CRB1: variants seen among roughly 807,000 people sequenced by gnomAD.
CRB1 encodes the protein crumbs cell polarity complex component 1.
A neutral mutation model predicts 120.0 loss-of-function variants in CRB1; 83 were observed. The ratio of observed to expected loss-of-function variants is 0.69; its 90% confidence interval spans 0.58 to 0.83. The LOEUF (loss-of-function observed/expected upper bound fraction) is 0.83. Ranked by LOEUF, CRB1 falls within the 40% of genes least tolerant of loss-of-function variation. The pLI is 0.00. For synonymous variants in CRB1, 625 were observed against 612.5 expected (o/e 1.02, Z -0.30); for missense variants, 1,699 against 1,687.6 (o/e 1.01, Z -0.12).
At chr1:197,416,688 CT>C (rs1420872086) in intron 5 of CRB1, among the ~76,000 whole-genome samples, 1 of 151,966 alleles carries the variant, frequency 6.6e-6, no homozygotes, top group African/African-American at 2.4e-5. Context: ...AAGGTTTATA[CT>C]TTTTTATTTT....
At chr1:197,286,818 GTAATT>G (rs1327659067) in intron 1 of CRB1, among the ~76,000 whole-genome samples, 1 of 151,754 alleles carries the variant, frequency 6.6e-6, no homozygotes, top group Non-Finnish European at 1.5e-5. Context: ...GTTTATATCT[GTAATT>G]TAATGCAAAG....
intron 5 of CRB1, among the ~76,000 whole-genome samples, chr1:197,417,543 A>C (rs1664069394): frequency 6.6e-6 from 1 of 152,216 alleles, no homozygotes; most frequent in Non-Finnish European, 1.5e-5. Context: ...AACCAATAGC[A>C]AAGGGGTTGA....
chr1:197,347,113 A>G (rs1471981466), intron 3 of CRB1, among the ~76,000 whole-genome samples: 1 of 152,198 alleles, frequency 6.6e-6, no homozygotes, highest in Non-Finnish European at 1.5e-5. Context: ...ACTGAACTAA[A>G]TAGTCATGGT....
At chr1:197,256,921 T>A in the CRB1 span, among the ~76,000 whole-genome samples, 1 of 139,690 alleles carries the variant, frequency 7.2e-6, no homozygotes, top group Non-Finnish European at 1.5e-5. Context: ...AAACAGAACC[T>A]ATAGGATTTG....
chr1:197,444,355 C>T (rs532894006), intron 11 of CRB1: 1 of 152,268 alleles, frequency 6.6e-6, no homozygotes, highest in East Asian at 1.9e-4. Flanking sequence ...TTCTTCACAT[C>T]CAAGGCTGAA....
intron 5 of CRB1, among the ~76,000 whole-genome samples, chr1:197,419,996 A>AC (rs1664213702): frequency 1.3e-5 from 1 of 78,374 alleles, no homozygotes; most frequent in Admixed American, 1.6e-4. Flanking sequence ...CGAAAAAAAA[A>AC]AAACAAACAA....
At chr1:197,252,578 ATATATGTGTGTGTGTG>A in the CRB1 span, among the ~76,000 whole-genome samples, 79 of 28,666 alleles carry the variant, frequency 2.8e-3, no homozygotes, top group Non-Finnish European at 3.9e-3. Context: ...ATATATATAT[ATATATGTGTGTGTGTG>A]TGTGTGTGTG....
chr1:197,257,621 T>C, the CRB1 span, among the ~76,000 whole-genome samples: 1 of 152,218 alleles, frequency 6.6e-6, no homozygotes, highest in South Asian at 2.1e-4. Flanking sequence ...GTTCTTTCTT[T>C]TATATTTACA....
At position 197,305,903 on chromosome 1, in the gene CRB1, G is replaced by GAA. The variant is rs5779864; in HGVS notation, c.71-22507_71-22506dup. Among the ~76,000 whole-genome samples the GAA allele has an allele frequency of 5.2e-5, 7 of 135,816 alleles. No individual in the cohort carries two copies. In the East Asian group the frequency reaches 6.2e-4, roughly 12 times the overall value. The allele number at this position is 135,816 out of a possible 152,430, so 89.1% of individuals were successfully genotyped here. On this transcript the variant is annotated intron_variant, in intron 1 of 11. Coordinates refer to ENST00000367400, the MANE Select transcript of CRB1 (RefSeq NM_201253.3). Reference sequence around the variant, plus strand: ...GGAAACTGATATTTGAGATCTAATTGAAAAAAAAAAAAACAAAAAGCAAGA... The same window carrying GAA: ...GGAAACTGATATTTGAGATCTAATTGAAAAAAAAAAAAAAACAAAAAGCAAGA...
At chr1:197,469,680 C>T (rs1416784925) in intron 11 of CRB1, among the ~76,000 whole-genome samples, 1 of 151,980 alleles carries the variant, frequency 6.6e-6, no homozygotes, top group Non-Finnish European at 1.5e-5. Context: ...TTTCTGAGAC[C>T]AAAATAGGCC....
At chr1:197,305,408 T>C (rs1018051047) in intron 1 of CRB1, among the ~76,000 whole-genome samples, 1 of 152,128 alleles carries the variant, frequency 6.6e-6, no homozygotes, top group Admixed American at 6.6e-5. Context: ...AGTATACATA[T>C]ATGTTCCAAA....
At chr1:197,207,438 A>T in the CRB1 span, among the ~76,000 whole-genome samples, 1,187 of 152,190 alleles carry the variant, frequency 7.8e-3, 13 homozygotes, top group African/African-American at 0.024. Flanking sequence ...AGCATTTGTT[A>T]GCCTGAAAAA....
intron 11 of CRB1, among the ~76,000 whole-genome samples, chr1:197,452,351 A>G (rs1666014083): frequency 6.6e-6 from 1 of 152,224 alleles, no homozygotes; most frequent in Non-Finnish European, 1.5e-5. Flanking sequence ...TCAGCACTGC[A>G]TTCATCAAAA....
intron 5 of CRB1, among the ~76,000 whole-genome samples, chr1:197,380,680 A>G (rs529907091): frequency 6.6e-6 from 1 of 152,282 alleles, no homozygotes; most frequent in Non-Finnish European, 1.5e-5. Context: ...AAATTTTGTA[A>G]AGCCCCCAAA....
At chr1:197,256,681 A>G in the CRB1 span, among the ~76,000 whole-genome samples, 1 of 152,050 alleles carries the variant, frequency 6.6e-6, no homozygotes. Flanking sequence ...ACAGCAGAAA[A>G]TTGATTTTTC....
At chr1:197,374,796 T>G (rs1661557875) in intron 5 of CRB1, among the ~76,000 whole-genome samples, 1 of 152,192 alleles carries the variant, frequency 6.6e-6, no homozygotes, top group Non-Finnish European at 1.5e-5. Flanking sequence ...ATTTATTTCA[T>G]CTTTCAGTAC....
intron 6 of CRB1, among the ~76,000 whole-genome samples, chr1:197,424,631 T>G (rs574121942): frequency 6.6e-6 from 1 of 152,322 alleles, no homozygotes; most frequent in African/African-American, 2.4e-5. Flanking sequence ...GTTTTTCAGC[T>G]TAATACAACA....
At chr1:197,431,994 G>A in intron 8 of CRB1, among the ~76,000 whole-genome samples, 1 of 152,180 alleles carries the variant, frequency 6.6e-6, no homozygotes, top group Non-Finnish European at 1.5e-5. Context: ...ACTCTTGAGA[G>A]TACAGCTGAT....
chr1:197,424,737 A>C (rs1571532091), intron 6 of CRB1, among the ~76,000 whole-genome samples: 2 of 152,228 alleles, frequency 1.3e-5, no homozygotes, highest in East Asian at 3.9e-4. Flanking sequence ...CTAATCTTAT[A>C]AACGCACATT....
Sources: gnomAD v4.1 joint callset for allele counts (sites outside exome capture counted in the v4.1 genomes callset) on GRCh38, gnomAD v4.1.1 for gene constraint, MANE v1.5 for transcripts, NCBI Gene and HGNC (gene_info 2026-07-23, HGNC 2026-07-21) for gene names.